Variants in CEMIP observed in about 807,000 individuals in gnomAD.
CEMIP encodes the protein cell migration-inducing and hyaluronan-binding protein.
Under a neutral mutation model 156.9 loss-of-function variants are expected in CEMIP, and 105 were observed. The observed-to-expected ratio is 0.67, with a 90% CI of 0.57 to 0.79. CEMIP has a LOEUF of 0.79. Ranked by LOEUF, CEMIP falls within the 30% of genes least tolerant of loss-of-function variation. CEMIP has a pLI of 0.00. For synonymous variants in CEMIP, 676 were observed against 668.4 expected, an observed-to-expected ratio of 1.01 and a Z score of -0.17; for missense variants, 1,457 against 1,769.4, an observed-to-expected ratio of 0.82 and a Z score of 3.17.
At chr15:80,931,094 C>G (rs1179686995) in intron 21 of CEMIP, among the ~76,000 whole-genome samples, 1 of 152,192 alleles carries the variant, frequency 6.6e-6, no homozygotes, top group Non-Finnish European at 1.5e-5. Context: ...GTCACCAGTT[C>G]TTGTCCAGTC....
intron 1 of CEMIP, among the ~76,000 whole-genome samples, chr15:80,791,311 C>T (rs1367367216): frequency 2.0e-5 from 3 of 152,050 alleles, no homozygotes; most frequent in Admixed American, 6.5e-5. Flanking sequence ...TTGTCTTCCT[C>T]CCTCCCAAGG....
intron 1 of CEMIP, among the ~76,000 whole-genome samples, chr15:80,786,556 C>CTGTGTGTGTGTG (rs3048927): frequency 0.032 from 4,494 of 140,628 alleles, 126 homozygotes; most frequent in African/African-American, 0.061. Flanking sequence ...GGATGTCTTG[C>CTGTGTGTGTGTG]TGTGTGTGTG....
In CEMIP at chr15:80,817,948, T is replaced by C. The variant is rs144005284; in HGVS notation, c.-176+38334T>C. 7.5e-4 allele frequency among the ~76,000 whole-genome samples: 115 copies of C among 152,334 alleles called. 2 individuals are homozygous for C. The East Asian group carries it at 0.012, about 16-fold the overall frequency. On this transcript the variant is annotated intron_variant, in intron 1 of 29. Coordinates refer to ENST00000394685, the MANE Select transcript of CEMIP (RefSeq NM_001293298.2). ...TTAATGTAAAAGGTTTCAGTGTTTC[T>C]TAATTATTTAACCTCTCTGGGCATT...
intron 10 of CEMIP, among the ~76,000 whole-genome samples, chr15:80,890,571 A>G (rs1396840915): frequency 1.0e-4 from 15 of 146,340 alleles, no homozygotes; most frequent in Non-Finnish European, 1.6e-4. Flanking sequence ...TGGGTGACCG[A>G]GCAAGACTCT....
intron 1 of CEMIP, among the ~76,000 whole-genome samples, chr15:80,834,978 GCTT>G (rs1596121299): frequency 6.6e-6 from 1 of 152,228 alleles, no homozygotes; most frequent in East Asian, 1.9e-4. Flanking sequence ...GCATGTGGCA[GCTT>G]CTTATATTAC....
intron 1 of CEMIP, among the ~76,000 whole-genome samples, chr15:80,853,832 G>A (rs1250118481): frequency 6.6e-6 from 1 of 152,204 alleles, no homozygotes; most frequent in Non-Finnish European, 1.5e-5. Context: ...AGACATGGAC[G>A]ATTTTGTATT....
chr15:80,849,595 C>T (rs964244001), intron 1 of CEMIP, among the ~76,000 whole-genome samples: 2 of 152,242 alleles, frequency 1.3e-5, no homozygotes, highest in East Asian at 1.9e-4. Context: ...TCCAGTTACT[C>T]GTGTGCTGGA....
At chr15:80,872,598 T>G (rs1024148963) in intron 1 of CEMIP, among the ~76,000 whole-genome samples, 1 of 152,184 alleles carries the variant, frequency 6.6e-6, no homozygotes, top group South Asian at 2.1e-4. Flanking sequence ...TGGGATCACT[T>G]GAGGTCAGGA....
At chr15:80,892,944 T>C (rs1329819931) in intron 10 of CEMIP, among the ~76,000 whole-genome samples, 1 of 152,240 alleles carries the variant, frequency 6.6e-6, no homozygotes, top group Non-Finnish European at 1.5e-5. Context: ...CCCAGCACTT[T>C]GGGAGGCCAA....
intron 1 of CEMIP, among the ~76,000 whole-genome samples, chr15:80,834,133 T>C (rs1358955504): frequency 1.3e-5 from 2 of 152,204 alleles, no homozygotes; most frequent in African/African-American, 4.8e-5. Context: ...CATGGCAATA[T>C]GTCCTGAGGG....
intron 23 of CEMIP, among the ~76,000 whole-genome samples, chr15:80,935,895 T>G (rs1034525777): frequency 3.3e-5 from 5 of 152,160 alleles, no homozygotes; most frequent in Admixed American, 6.5e-5. Context: ...TGTGCCACCA[T>G]GCCCAGCTAA....
intron 1 of CEMIP, among the ~76,000 whole-genome samples, chr15:80,803,475 AT>A (rs142138007): frequency 0.018 from 2,700 of 152,258 alleles, 73 homozygotes; most frequent in African/African-American, 0.063. Context: ...TAAAAAAAAA[AT>A]GAAAAAGAAT....
At position 80,951,422 on chromosome 15, in the gene CEMIP, T is replaced by C. The variant is rs1301576385; in HGVS notation, c.*2498T>C. The C allele has an allele frequency of 6.6e-6, 1 of 152,612 alleles. No homozygotes were observed. The highest frequency in any genetic ancestry group is 1.5e-5 in the Non-Finnish European group (1 of 68,034). 9.5% of individuals were successfully genotyped at this position (152,612 alleles called of 1,614,324 possible). ...AGAAAATTGTCCTCCTTGTTATTTCTGTTTGTAAGACTTAAGTGAGTTAGG... is the reference window on the plus strand; with the variant it reads ...AGAAAATTGTCCTCCTTGTTATTTCCGTTTGTAAGACTTAAGTGAGTTAGG... On this transcript the variant is annotated 3_prime_UTR_variant, in exon 30 of 30. Coordinates refer to ENST00000394685, the MANE Select transcript of CEMIP (RefSeq NM_001293298.2).
In CEMIP at chr15:80,878,776, T is replaced by C; in HGVS notation, c.150T>C (p.His50=). 1 of 1,614,196 alleles carries C rather than the reference T, an allele frequency of 6.2e-7. No homozygotes were observed. The highest frequency in any genetic ancestry group is 8.5e-7 in the Non-Finnish European group (1 of 1,180,036). The change falls in exon 4 of 30, where the codon CAT becomes CAC. Residue 50 remains histidine (H), a synonymous_variant. Transcript: ENST00000394685. ...AGTTGCAACCCTGGAACCCTGGCCA[T>C]GACCAAGACCACCATGTGCATATCG... ...SPELQPWNPG[H]DQDHHVHIGQ...
chr15:80,897,800 G>A (rs1899296070), intron 12 of CEMIP, among the ~76,000 whole-genome samples: 1 of 152,150 alleles, frequency 6.6e-6, no homozygotes, highest in Non-Finnish European at 1.5e-5. Flanking sequence ...TAGCAGAAGA[G>A]CAGAAGATAC....
intron 17 of CEMIP, among the ~76,000 whole-genome samples, chr15:80,923,999 G>A (rs963566718): frequency 3.9e-5 from 6 of 152,180 alleles, no homozygotes; most frequent in Non-Finnish European, 7.3e-5. Flanking sequence ...CTGAGTATGA[G>A]CATTCACAAG....
At chr15:80,924,572 G>A (rs756257186) in intron 17 of CEMIP, 49 bp from the exon 18 acceptor site, 18 of 1,519,780 alleles carry the variant, frequency 1.2e-5, no homozygotes, top group South Asian at 9.0e-5. Flanking sequence ...GACGATGCCT[G>A]TAGCCCACAG....
At chr15:80,830,019 A>G (rs1020184791) in intron 1 of CEMIP, among the ~76,000 whole-genome samples, 2 of 123,088 alleles carry the variant, frequency 1.6e-5, no homozygotes, top group African/African-American at 7.4e-5. Context: ...TGTCCTTCCA[A>G]TAAGCAACCA....
chr15:80,860,352 C>G (rs1897955592), intron 1 of CEMIP, among the ~76,000 whole-genome samples: 1 of 152,198 alleles, frequency 6.6e-6, no homozygotes, highest in Non-Finnish European at 1.5e-5. Flanking sequence ...TTCTTGGACC[C>G]TATCACATTA....
Sources: allele counts gnomAD v4.1 joint callset (sites outside exome capture counted in the v4.1 genomes callset), GRCh38; gene constraint gnomAD v4.1.1; transcripts MANE v1.5; gene names NCBI Gene and HGNC (gene_info 2026-07-23, HGNC 2026-07-21).